The following THUMPD2 variants were observed in gnomAD, a reference collection of about 807,000 sequenced individuals.
THUMPD2 encodes U6 snRNA (guanine-N(2))-methyltransferase THUMPD2.
In THUMPD2, 56 loss-of-function variants were observed where a neutral mutation model predicts 49.4. That is an observed-to-expected ratio of 1.13 (90% CI 0.91 to 1.41). The LOEUF (loss-of-function observed/expected upper bound fraction) is 1.41, where lower values mean the gene tolerates loss of function less well. THUMPD2 is among the 40% of genes most tolerant of loss of function. THUMPD2 has a pLI of 0.00. For synonymous variants in THUMPD2, 237 were observed against 205.2 expected, an observed-to-expected ratio of 1.15 and a Z score of -1.32; for missense variants, 709 against 594.5, an observed-to-expected ratio of 1.19 and a Z score of -2.00.
chr2:39,773,330 A>G (rs2148347314), intron 1 of THUMPD2, among the ~76,000 whole-genome samples: 1 of 152,094 alleles, frequency 6.6e-6, no homozygotes, highest in Non-Finnish European at 1.5e-5. Context: ...GGAACGAACT[A>G]AATATTTTAC....
At chr2:39,759,015 T>C (rs1676487362) in intron 6 of THUMPD2, among the ~76,000 whole-genome samples, 1 of 151,814 alleles carries the variant, frequency 6.6e-6, no homozygotes, top group African/African-American at 2.4e-5. Context: ...ATAGAGCATG[T>C]CTCTGTGACT....
At chr2:39,779,030 C>G (rs924726590) in intron 1 of THUMPD2, 84 bp downstream of exon 1, 14 of 1,349,206 alleles carry the variant, frequency 1.0e-5, no homozygotes, top group African/African-American at 1.5e-5. Flanking sequence ...GCCAGCGACG[C>G]TTTCCCGCGT....
At chr2:39,762,457 T>C (rs530850639) in intron 5 of THUMPD2, among the ~76,000 whole-genome samples, 1 of 152,248 alleles carries the variant, frequency 6.6e-6, no homozygotes, top group African/African-American at 2.4e-5. Flanking sequence ...ATATACCCCT[T>C]TAAAATAAAA....
chr2:39,737,043 C>T lies in THUMPD2; in HGVS notation c.1204G>A (p.Gly402Arg), dbSNP rs367585163. ...QEMERVLHVG[G>R]TIVLLLSEDH... ...TCACTAAGCAACAATACAATGGTTC[C>T]GCCAACATGAAGCACTCTGTGACAA... is the stretch of plus-strand genomic sequence containing the variant. Residue 402 changes from glycine to arginine, a missense_variant, in exon 10 of 10, where the codon GGA becomes AGA. Coordinates refer to ENST00000505747, the MANE Select transcript of THUMPD2 (RefSeq NM_025264.5). The T allele has an allele frequency of 4.1e-5, 66 of 1,606,848 alleles. 1 individual carries two copies. Among genetic ancestry groups the T allele is most frequent in the Middle Eastern group, 3.3e-4 (2 of 6,052 alleles).
intron 4 of THUMPD2, 115 bp from the exon 5 acceptor site, chr2:39,766,224 A>G: frequency 1.5e-6 from 1 of 685,426 alleles, no homozygotes; most frequent in Non-Finnish European, 2.3e-6. Context: ...AAGAAACTCC[A>G]AGGCCTTATT....
At chr2:39,767,717 C>A (rs1572860813) in intron 4 of THUMPD2, among the ~76,000 whole-genome samples, 1 of 150,058 alleles carries the variant, frequency 6.7e-6, no homozygotes, top group East Asian at 2.0e-4. Context: ...AAAATATATA[C>A]CAGGTATTAT....
At chr2:39,745,812 G>A (rs1674503362) in intron 8 of THUMPD2, among the ~76,000 whole-genome samples, 1 of 152,164 alleles carries the variant, frequency 6.6e-6, no homozygotes, top group African/African-American at 2.4e-5. Context: ...ATAGATGGAA[G>A]AGAATAATTT....
At position 39,766,045 on chromosome 2, in the gene THUMPD2, T is replaced by G. The variant is rs41280641; in HGVS notation, c.803+12A>C. The G allele has an allele frequency of 6.4e-7, 1 of 1,571,424 alleles. No individual in the cohort carries two copies. Among genetic ancestry groups the G allele is most frequent in the Non-Finnish European group, 8.6e-7 (1 of 1,163,964 alleles). ...TGTCTTATGGGACAAACCGGAAGCT[T>G]AGAATATCTACCTGAACACAGGAAT... On this transcript the variant is annotated intron_variant, in intron 5 of 9. Coordinates refer to ENST00000505747, the MANE Select transcript of THUMPD2 (RefSeq NM_025264.5).
In THUMPD2 at chr2:39,737,025, G is replaced by GCAACA; in HGVS notation, c.1217_1221dup (p.Leu408CysfsTer37). 2 of 1,612,982 alleles carry GCAACA rather than the reference G, an allele frequency of 1.2e-6. No individual in the cohort carries two copies. The highest frequency in any genetic ancestry group is 1.7e-6 in the Non-Finnish European group (2 of 1,179,362). ...AGGCGCCTGTGGTGATCTTCACTAA[G>GCAACA]CAACAATACAATGGTTCCGCCAACA... On this transcript the variant is annotated frameshift_variant, in exon 10 of 10. Transcript: ENST00000505747. LOFTEE classifies it low-confidence loss of function (END_TRUNC).
intron 5 of THUMPD2, among the ~76,000 whole-genome samples, chr2:39,764,016 A>G (rs540157682): frequency 9.2e-5 from 14 of 152,362 alleles, no homozygotes; most frequent in Non-Finnish European, 1.9e-4. Context: ...GTGCCTTTGC[A>G]CAGAGATTCC....
At chr2:39,755,478 C>T in intron 7 of THUMPD2, 69 bp from the exon 8 acceptor site, 2 of 1,003,854 alleles carry the variant, frequency 2.0e-6, no homozygotes, top group Admixed American at 3.0e-5. Context: ...AGAAAATCGA[C>T]TTGCATTTTC....
At chr2:39,759,677 T>C (rs556032125) in intron 6 of THUMPD2, among the ~76,000 whole-genome samples, 17 of 152,182 alleles carry the variant, frequency 1.1e-4, no homozygotes, top group African/African-American at 3.9e-4. Flanking sequence ...ACAAAGTAGT[T>C]ATAAAGGAAA....
intron 9 of THUMPD2, among the ~76,000 whole-genome samples, chr2:39,743,117 T>C (rs1405183042): frequency 6.6e-6 from 1 of 152,194 alleles, no homozygotes; most frequent in African/African-American, 2.4e-5. Flanking sequence ...ATTTTCCTTA[T>C]AGAATGTTAG....
intron 8 of THUMPD2, among the ~76,000 whole-genome samples, chr2:39,746,231 C>T (rs568785490): frequency 6.6e-5 from 10 of 152,326 alleles, no homozygotes; most frequent in Admixed American, 3.9e-4. Flanking sequence ...CTCCCTCATT[C>T]TTGGGCATCC....
chr2:39,772,290 C>A (rs1006593171), intron 1 of THUMPD2, among the ~76,000 whole-genome samples: 2 of 152,102 alleles, frequency 1.3e-5, no homozygotes, highest in Non-Finnish European at 2.9e-5. Context: ...GTAGTTTAGG[C>A]CAGCTTGACA....
rs1039692768 is a variant in THUMPD2, at chr2:39,762,348, A to C, written c.804-930T>G. On this transcript the variant is annotated intron_variant, in intron 5 of 9. Transcript: ENST00000505747. ...AATTCTAGGTATGTGAATATTAAAC[A>C]TTTCTTTCTTTCACCATTTTGCCTC... Among the ~76,000 whole-genome samples the C allele has an allele frequency of 3.9e-5, 6 of 152,146 alleles. No homozygotes were observed. In the East Asian group the frequency reaches 1.2e-3, roughly 29 times the overall value.
intron 4 of THUMPD2, among the ~76,000 whole-genome samples, chr2:39,767,420 C>T (rs1275404756): frequency 3.3e-5 from 5 of 150,758 alleles, no homozygotes; most frequent in Middle Eastern, 3.2e-3. Context: ...CCGGCTAAAA[C>T]GGTGAAACCC....
intron 4 of THUMPD2, 23 bp from the exon 5 acceptor site, chr2:39,766,132 T>C: frequency 6.5e-7 from 1 of 1,526,968 alleles, no homozygotes; most frequent in East Asian, 2.5e-5. Context: ...ACACAGAAGT[T>C]AGAATGGAAC....
chr2:39,754,561 C>A (rs567104251), intron 8 of THUMPD2, among the ~76,000 whole-genome samples: 29 of 152,236 alleles, frequency 1.9e-4, no homozygotes, highest in African/African-American at 6.5e-4. Context: ...AATGTTCTTA[C>A]CTGGGAATTA....
Sources: allele counts gnomAD v4.1 joint callset (sites outside exome capture counted in the v4.1 genomes callset), GRCh38; gene constraint gnomAD v4.1.1; transcripts MANE v1.5; gene names NCBI Gene and HGNC (gene_info 2026-07-23, HGNC 2026-07-21).